The following DMD variants were observed in gnomAD, a reference collection of about 807,000 sequenced individuals.
The protein encoded by DMD is mutant dystrophin.
DMD carries 63 observed loss-of-function variants against 330.1 expected under a neutral mutation model. That is an observed-to-expected ratio of 0.19 (90% CI 0.16 to 0.24). The LOEUF (loss-of-function observed/expected upper bound fraction) is 0.24. Among genes scored for constraint, DMD ranks in the 10% least tolerant of loss-of-function variants. The pLI, the probability that DMD is intolerant of heterozygous loss-of-function variation, is 1.00. For synonymous variants in DMD, 1,223 were observed against 959.8 expected (o/e 1.27, Z -5.07); for missense variants, 3,344 against 2,684.1 (o/e 1.25, Z -5.43).
At chrX:33,001,830 C>T (rs1033000626) in intron 2 of DMD, among the ~76,000 whole-genome samples, 2 of 111,522 alleles carry the variant, frequency 1.8e-5, no homozygotes, top group Non-Finnish European at 3.8e-5. Context: ...ATATTTTAAG[C>T]ATTGTTTCTC....
At chrX:33,086,658 C>T (rs906433558) in intron 1 of DMD, among the ~76,000 whole-genome samples, 3 of 110,219 alleles carry the variant, frequency 2.7e-5, no homozygotes, top group African/African-American at 9.8e-5. Context: ...ATATTAAACA[C>T]TTTAGAAAGA....
chrX:33,250,110 T>TATATATATATATA (rs748598265), intron 1 of DMD, among the ~76,000 whole-genome samples: 72 of 97,863 alleles, frequency 7.4e-4, no homozygotes, highest in African/African-American at 2.9e-3. Flanking sequence ...TATATATATA[T>TATATATATATATA]ATCAATGTAC....
intron 43 of DMD, among the ~76,000 whole-genome samples, chrX:32,219,077 A>T (rs1157682312): frequency 1.8e-5 from 2 of 112,101 alleles, no homozygotes; most frequent in Non-Finnish European, 3.8e-5. Flanking sequence ...TAGCATAAAA[A>T]AGGCAACCGA....
intron 1 of DMD, among the ~76,000 whole-genome samples, chrX:33,055,443 T>C (rs1311356184): frequency 8.9e-6 from 1 of 112,014 alleles, no homozygotes; most frequent in Admixed American, 9.5e-5. Flanking sequence ...TAAAAACTAA[T>C]AGCAGAATGT....
At chrX:32,808,897 G>T (rs1266474438) in intron 7 of DMD, among the ~76,000 whole-genome samples, 1 of 111,754 alleles carries the variant, frequency 8.9e-6, no homozygotes, top group East Asian at 2.8e-4. Context: ...TGGAAGGTAT[G>T]ACTATGTAGC....
intron 1 of DMD, among the ~76,000 whole-genome samples, chrX:33,029,148 T>G (rs2094058810): frequency 9.0e-6 from 1 of 111,728 alleles, no homozygotes; most frequent in African/African-American, 3.3e-5. Context: ...CTGCTCAAAC[T>G]ACTCTGTTAA....
At chrX:32,287,137 T>C (rs1603629975) in intron 43 of DMD, among the ~76,000 whole-genome samples, 2 of 111,850 alleles carry the variant, frequency 1.8e-5, no homozygotes, top group South Asian at 3.7e-4. Flanking sequence ...AAAATCAATT[T>C]TTTTATTGAT....
intron 34 of DMD, among the ~76,000 whole-genome samples, chrX:32,379,526 A>G (rs989423043): frequency 8.9e-6 from 1 of 111,853 alleles, no homozygotes; most frequent in Non-Finnish European, 1.9e-5. Context: ...CTATAATTCA[A>G]TATCTTATCT....
Position 32,136,047 on chromosome X carries a change from T to C in DMD, c.6438+80869A>G, listed in dbSNP as rs146700001. On this transcript the variant is annotated intron_variant, in intron 44 of 78. Transcript: ENST00000357033. ...GGGAATTTTTTATTTTAATGACCCA[T>C]GTATTAGACTTACAGAAAATTGTGG... Among the ~76,000 whole-genome samples, 444 of 112,520 alleles carry C rather than the reference T, an allele frequency of 3.9e-3. 1 individual carries two copies. Among genetic ancestry groups the C allele is most frequent in the African/African-American group, 0.013 (419 of 31,037 alleles).
intron 1 of DMD, among the ~76,000 whole-genome samples, chrX:33,130,686 C>T (rs2095494008): frequency 9.1e-6 from 1 of 109,894 alleles, no homozygotes; most frequent in African/African-American, 3.3e-5. Flanking sequence ...TCCGGAGCAG[C>T]TGGGACTACC....
chrX:31,300,137 T>G (rs950922830), intron 62 of DMD, among the ~76,000 whole-genome samples: 1 of 112,265 alleles, frequency 8.9e-6, no homozygotes, highest in Non-Finnish European at 1.9e-5. Context: ...GTCGGTTGAT[T>G]TTATTTTCGA....
chrX:31,750,260 G>C (rs1276893702), intron 51 of DMD, among the ~76,000 whole-genome samples: 2 of 107,288 alleles, frequency 1.9e-5, no homozygotes, highest in African/African-American at 6.8e-5. Context: ...TTTTCTTCTA[G>C]GGTTTTTATG....
At chrX:31,375,170 A>AT (rs1461016913) in intron 60 of DMD, among the ~76,000 whole-genome samples, 1 of 111,887 alleles carries the variant, frequency 8.9e-6, no homozygotes, top group Non-Finnish European at 1.9e-5. Context: ...TTCACAAAAC[A>AT]TTTTTGCAAC....
intron 55 of DMD, among the ~76,000 whole-genome samples, chrX:31,619,638 T>A (rs1233211240): frequency 8.9e-6 from 1 of 112,213 alleles, no homozygotes; most frequent in Admixed American, 9.4e-5. Flanking sequence ...GTATGCACAG[T>A]GTCTTCTTAC....
chrX:31,329,270 T>C (rs1211978850), intron 61 of DMD, among the ~76,000 whole-genome samples: 4 of 111,857 alleles, frequency 3.6e-5, no homozygotes, highest in Admixed American at 9.4e-5. Context: ...GCAGATGCTA[T>C]GAGAATGGCT....
At chrX:32,663,381 T>C (rs1368339950) in intron 9 of DMD, among the ~76,000 whole-genome samples, 2 of 112,058 alleles carry the variant, frequency 1.8e-5, no homozygotes, top group Non-Finnish European at 3.8e-5. Context: ...CTAGCCTATC[T>C]ACTGGCAATT....
At chrX:32,205,672 C>T (rs1168461200) in intron 44 of DMD, among the ~76,000 whole-genome samples, 25 of 111,944 alleles carry the variant, frequency 2.2e-4, no homozygotes, top group Non-Finnish European at 1.1e-4. Context: ...TAGCATAGAG[C>T]CTGACACAGA....
At chrX:32,662,509 T>A (rs1326124487) in intron 9 of DMD, among the ~76,000 whole-genome samples, 1 of 111,939 alleles carries the variant, frequency 8.9e-6, no homozygotes, top group Admixed American at 9.5e-5. Context: ...TGAAAGTACA[T>A]GCATGACATT....
intron 1 of DMD, among the ~76,000 whole-genome samples, chrX:33,156,195 G>A (rs980462133): frequency 8.9e-6 from 1 of 112,005 alleles, no homozygotes; most frequent in African/African-American, 3.2e-5. Context: ...CAAAATCACA[G>A]AATACATGTA....
Sources: gnomAD v4.1 joint callset for allele counts (sites outside exome capture counted in the v4.1 genomes callset) on GRCh38, gnomAD v4.1.1 for gene constraint, MANE v1.5 for transcripts, NCBI Gene and HGNC (gene_info 2026-07-23, HGNC 2026-07-21) for gene names.